Variants in TSHZ2 observed in about 807,000 individuals in gnomAD.
The protein encoded by TSHZ2 is teashirt zinc finger homeobox 2.
A neutral mutation model predicts 74.4 loss-of-function variants in TSHZ2; 21 were observed. The ratio of observed to expected loss-of-function variants is 0.28; its 90% CI spans 0.20 to 0.41. TSHZ2 has a LOEUF of 0.41. TSHZ2 is among the 10% of genes least tolerant of loss of function. The probability of loss-of-function intolerance (pLI) is 1.00; values close to 1 mark genes in which losing one functional copy is unlikely to be tolerated. For missense variants in TSHZ2, 1,244 were observed against 1,293.5 expected (o/e 0.96, Z 0.59); for synonymous variants, 540 against 515.3 (o/e 1.05, Z -0.65).
chr20:53,470,448 T>C (rs1985761665), intron 2 of TSHZ2, among the ~76,000 whole-genome samples: 1 of 152,212 alleles, frequency 6.6e-6, no homozygotes, highest in Admixed American at 6.5e-5. Flanking sequence ...AACTACAGGT[T>C]TCTCCCAGGA....
At chr20:53,389,070 C>T (rs566043923) in intron 2 of TSHZ2, among the ~76,000 whole-genome samples, 12 of 152,202 alleles carry the variant, frequency 7.9e-5, no homozygotes, top group Non-Finnish European at 1.5e-4. Context: ...ACCTTGCAGG[C>T]AAGCAGGAAC....
At chr20:52,983,431 G>C (rs1237361162) in intron 1 of TSHZ2, among the ~76,000 whole-genome samples, 2 of 152,200 alleles carry the variant, frequency 1.3e-5, no homozygotes, top group Admixed American at 1.3e-4. Context: ...ACCTGAGTTA[G>C]TCCTTGGCAC....
At chr20:53,214,277 C>G (rs745902160) in intron 1 of TSHZ2, among the ~76,000 whole-genome samples, 1 of 151,900 alleles carries the variant, frequency 6.6e-6, no homozygotes, top group Admixed American at 6.6e-5. Context: ...GGAGAGGGAG[C>G]GGATGATGGA....
chr20:52,983,739 T>G (rs1467476164), intron 1 of TSHZ2, among the ~76,000 whole-genome samples: 1 of 152,216 alleles, frequency 6.6e-6, no homozygotes, highest in Non-Finnish European at 1.5e-5. Context: ...TGATATCCCT[T>G]TGTGCGGTAA....
At chr20:53,133,969 G>A (rs1470660185) in intron 1 of TSHZ2, among the ~76,000 whole-genome samples, 95 of 127,864 alleles carry the variant, frequency 7.4e-4, no homozygotes, top group South Asian at 1.0e-3. Context: ...CATTTTTTCT[G>A]AAAAAAAAAA....
At chr20:53,253,215 G>A (rs1990367169) in intron 1 of TSHZ2, among the ~76,000 whole-genome samples, 1 of 149,740 alleles carries the variant, frequency 6.7e-6, no homozygotes, top group African/African-American at 2.5e-5. Flanking sequence ...TCCCATCACA[G>A]GAATATTAGA....
intron 1 of TSHZ2, among the ~76,000 whole-genome samples, chr20:53,038,076 G>A (rs1451478170): frequency 6.6e-6 from 1 of 151,550 alleles, no homozygotes; most frequent in Non-Finnish European, 1.5e-5. Context: ...AGCCTGCCCG[G>A]GGCTAAAAGA....
At chr20:53,454,618 C>G (rs1449669043) in intron 2 of TSHZ2, among the ~76,000 whole-genome samples, 1 of 152,018 alleles carries the variant, frequency 6.6e-6, no homozygotes, top group Non-Finnish European at 1.5e-5. Context: ...GTGGCTGTCC[C>G]TTTCCCATCC....
chr20:53,480,093 A>T (rs1986110384), intron 2 of TSHZ2, among the ~76,000 whole-genome samples: 1 of 138,042 alleles, frequency 7.2e-6, no homozygotes, highest in African/African-American at 2.7e-5. Context: ...TTTGAGATGG[A>T]GTTTCACTCT....
intron 2 of TSHZ2, among the ~76,000 whole-genome samples, chr20:53,431,468 AAAAGAAG>A (rs891472502): frequency 6.6e-6 from 1 of 151,832 alleles, no homozygotes; most frequent in African/African-American, 2.4e-5. Flanking sequence ...AAAAAAAAAA[AAAAGAAG>A]AAGAAGAAGA....
chr20:53,233,368 G>A (rs1989870864), intron 1 of TSHZ2, among the ~76,000 whole-genome samples: 1 of 152,176 alleles, frequency 6.6e-6, no homozygotes, highest in Non-Finnish European at 1.5e-5. Flanking sequence ...GAGCAATCGA[G>A]AAAAATCCCA....
At chr20:53,009,058 G>A (rs1982756378) in intron 1 of TSHZ2, among the ~76,000 whole-genome samples, 1 of 146,936 alleles carries the variant, frequency 6.8e-6, no homozygotes, top group Non-Finnish European at 1.5e-5. Flanking sequence ...GCTGGGCATG[G>A]TGGCTCACAC....
intron 2 of TSHZ2, among the ~76,000 whole-genome samples, chr20:53,345,869 C>T (rs1318402749): frequency 6.6e-6 from 1 of 152,070 alleles, no homozygotes; most frequent in Non-Finnish European, 1.5e-5. Context: ...AACCACCACC[C>T]TCCCCGCTGA....
In TSHZ2 at chr20:53,204,345, C is replaced by CATT. The variant is rs1319118658; in HGVS notation, c.41-49152_41-49151insTAT. Reference sequence around the variant, plus strand: ...GATATGATACTATATCATCATATAACATGATGATATGATACTATATCATCA... The same window carrying CATT: ...GATATGATACTATATCATCATATAACATTATGATGATATGATACTATATCATCA... On this transcript the variant is annotated intron_variant, in intron 1 of 2. Transcript: ENST00000371497. Among the ~76,000 whole-genome samples, 243 of 136,316 alleles carry CATT rather than the reference C, an allele frequency of 1.8e-3. 34 individuals carry two copies. The highest frequency in any genetic ancestry group is 5.9e-3 in the African/African-American group (226 of 38,036). 89.4% of individuals were successfully genotyped at this position (136,316 alleles called of 152,430 possible). A position where few individuals can be genotyped will look rare whatever the true frequency, so the allele number is the denominator to read the frequency against.
At chr20:53,384,895 G>A (rs1981988328) in intron 2 of TSHZ2, among the ~76,000 whole-genome samples, 1 of 152,168 alleles carries the variant, frequency 6.6e-6, no homozygotes, top group African/African-American at 2.4e-5. Flanking sequence ...GGCCAAGGCG[G>A]GTGGGTCACG....
At chr20:53,030,501 A>T (rs1324868775) in intron 1 of TSHZ2, among the ~76,000 whole-genome samples, 1 of 152,218 alleles carries the variant, frequency 6.6e-6, no homozygotes, top group Non-Finnish European at 1.5e-5. Flanking sequence ...AGGTTGCTGT[A>T]TGGAGTCTCT....
intron 1 of TSHZ2, chr20:53,185,747 C>G: frequency 5.2e-6 from 8 of 1,527,792 alleles, no homozygotes; most frequent in Non-Finnish European, 7.0e-6. Flanking sequence ...AATGGATGTT[C>G]AGTTGCCCTT....
intron 1 of TSHZ2, among the ~76,000 whole-genome samples, chr20:53,136,032 A>G (rs1047323249): frequency 6.6e-6 from 1 of 152,216 alleles, no homozygotes; most frequent in Non-Finnish European, 1.5e-5. Context: ...TAGTTACAGA[A>G]GCTGAGAAGT....
Position 53,489,376 on chromosome 20 carries a change from G to A in TSHZ2, c.*2241G>A, listed in dbSNP as rs188099713. On this transcript the variant is annotated 3_prime_UTR_variant, in exon 3 of 3. Coordinates refer to ENST00000371497, the MANE Select transcript of TSHZ2 (RefSeq NM_173485.6). ...GGTGGACTGGACTCTACTGAGCACC[G>A]TCCTTCAACAAGGAAATTCTATTAA... 8 of 343,212 alleles carry A rather than the reference G, an allele frequency of 2.3e-5. No individual in the cohort carries two copies. The East Asian group carries it at 3.0e-4, about 13-fold the overall frequency. 21.3% of individuals were successfully genotyped at this position (343,212 alleles called of 1,614,324 possible). A position where few individuals can be genotyped will look rare whatever the true frequency, so the allele number is the denominator to read the frequency against.
Sources: allele counts gnomAD v4.1 joint callset (sites outside exome capture counted in the v4.1 genomes callset), GRCh38; gene constraint gnomAD v4.1.1; transcripts MANE v1.5; gene names NCBI Gene and HGNC (gene_info 2026-07-23, HGNC 2026-07-21).